Variants in SVIL observed in about 807,000 individuals in gnomAD.
SVIL encodes the protein archvillin.
A neutral mutation model predicts 240.4 loss-of-function variants in SVIL; 101 were observed. The observed-to-expected ratio is 0.42, with a 90% confidence interval of 0.36 to 0.50. The LOEUF is 0.50. SVIL is among the 20% of genes least tolerant of loss of function. The pLI is 0.01. For synonymous variants in SVIL, 999 were observed against 1,100.0 expected (o/e 0.91, Z 1.82); for missense variants, 2,512 against 2,818.7 (o/e 0.89, Z 2.46).
intron 17 of SVIL, among the ~76,000 whole-genome samples, chr10:29,506,027 A>G (rs1268103798): frequency 6.6e-6 from 1 of 152,100 alleles, no homozygotes; most frequent in Non-Finnish European, 1.5e-5. Context: ...TACCTAATAC[A>G]AGGTAATGTT....
chr10:29,499,430 C>A (rs1467514452), intron 17 of SVIL, among the ~76,000 whole-genome samples, 167 bp from the exon 18 acceptor site: 2 of 152,200 alleles, frequency 1.3e-5, no homozygotes, highest in African/African-American at 2.4e-5. Flanking sequence ...GGCTTCCTTA[C>A]GTCCAGGTTG....
At chr10:29,495,998 T>C (rs1948416110) in intron 18 of SVIL, among the ~76,000 whole-genome samples, 1 of 152,248 alleles carries the variant, frequency 6.6e-6, no homozygotes, top group Admixed American at 6.5e-5. Flanking sequence ...TTCTCTGTAC[T>C]CATTTGTAAT....
At chr10:29,642,521 C>T (rs965113408) in intron 3 of SVIL, among the ~76,000 whole-genome samples, 13 of 152,200 alleles carry the variant, frequency 8.5e-5, no homozygotes, top group African/African-American at 3.1e-4. Context: ...CCCTACAAAT[C>T]TCTCCTAGAC....
At chr10:29,709,080 A>G (rs1963105463) in intron 1 of SVIL, among the ~76,000 whole-genome samples, 2 of 152,234 alleles carry the variant, frequency 1.3e-5, no homozygotes, top group African/African-American at 4.8e-5. Context: ...GACCAATCAG[A>G]GTTCTAAAAA....
chr10:29,518,933 C>T (rs1429990234), intron 16 of SVIL, among the ~76,000 whole-genome samples: 1 of 152,162 alleles, frequency 6.6e-6, no homozygotes, highest in African/African-American at 2.4e-5. Context: ...CGCTGGGTAG[C>T]ACTGAGCACT....
chr10:29,657,620 T>G (rs1959045137), intron 3 of SVIL, among the ~76,000 whole-genome samples: 1 of 152,086 alleles, frequency 6.6e-6, no homozygotes, highest in African/African-American at 2.4e-5. Flanking sequence ...TCCTATCTAA[T>G]TCACACTCCC....
At chr10:29,619,663 C>A (rs1457904872) in intron 1 of SVIL, among the ~76,000 whole-genome samples, 3 of 152,172 alleles carry the variant, frequency 2.0e-5, no homozygotes, top group Admixed American at 1.3e-4. Flanking sequence ...TATGGTTTCC[C>A]TGAGAAAGCC....
At chr10:29,659,321 G>T (rs1959091187) in intron 2 of SVIL, among the ~76,000 whole-genome samples, 1 of 152,174 alleles carries the variant, frequency 6.6e-6, no homozygotes, top group African/African-American at 2.4e-5. Context: ...GAAGTCTTTT[G>T]TCTTAGGCTA....
At chr10:29,646,374 G>A (rs77383359) in intron 3 of SVIL, among the ~76,000 whole-genome samples, 2 of 152,206 alleles carry the variant, frequency 1.3e-5, no homozygotes, top group Non-Finnish European at 2.9e-5. Flanking sequence ...AAAATCTTCC[G>A]TGCATTCTGA....
intron 2 of SVIL, among the ~76,000 whole-genome samples, chr10:29,681,809 C>T (rs988223107): frequency 6.6e-6 from 1 of 152,146 alleles, no homozygotes; most frequent in African/African-American, 2.4e-5. Flanking sequence ...ATAAGGCTTG[C>T]TGCTTCTGCG....
intron 3 of SVIL, among the ~76,000 whole-genome samples, chr10:29,650,772 G>T (rs78048201): frequency 2.0e-4 from 30 of 152,142 alleles, no homozygotes; most frequent in African/African-American, 6.5e-4. Flanking sequence ...AACATAGCAA[G>T]ACTTTGTCTC....
intron 17 of SVIL, among the ~76,000 whole-genome samples, chr10:29,507,227 C>T (rs1219909706): frequency 6.6e-6 from 1 of 152,134 alleles, no homozygotes; most frequent in Non-Finnish European, 1.5e-5. Context: ...CCCCAAACTG[C>T]CTCCACCATA....
At chr10:29,530,398 C>T (rs1951271918) in intron 11 of SVIL, among the ~76,000 whole-genome samples, 2 of 152,090 alleles carry the variant, frequency 1.3e-5, no homozygotes, top group Admixed American at 1.3e-4. Flanking sequence ...CTTAGCATGC[C>T]CAGAGGTGCA....
Position 29,686,009 on chromosome 10 carries a change from T to C in SVIL, c.-301+544A>G, listed in dbSNP as rs1961041932. ...CTTATACTGAATTCAAATCTGTTTC[T>C]TTATATCTTCCACCCATTGGCCCTA... On this transcript the variant is annotated intron_variant, in intron 2 of 35. Transcript: ENST00000375400. Among the ~76,000 whole-genome samples the C allele has an allele frequency of 2.6e-5, 4 of 152,350 alleles. No individual in the cohort carries two copies. In the South Asian group the frequency reaches 8.3e-4, roughly 32 times the overall value.
chr10:29,547,983 CA>C (rs770709571), intron 6 of SVIL, among the ~76,000 whole-genome samples: 1 of 152,200 alleles, frequency 6.6e-6, no homozygotes, highest in Non-Finnish European at 1.5e-5. Flanking sequence ...ATTCCTCAAA[CA>C]AAAGACCTTC....
chr10:29,669,076 T>C (rs565774915), intron 2 of SVIL, among the ~76,000 whole-genome samples: 4 of 152,312 alleles, frequency 2.6e-5, no homozygotes, highest in Admixed American at 2.6e-4. Flanking sequence ...AATACATGTA[T>C]TGATCCCTAA....
intron 2 of SVIL, among the ~76,000 whole-genome samples, chr10:29,663,313 T>G (rs1959179277): frequency 6.6e-6 from 1 of 152,226 alleles, no homozygotes; most frequent in Non-Finnish European, 1.5e-5. Flanking sequence ...GTTTCCACTA[T>G]GAAGAACATA....
At chr10:29,717,002 G>A (rs545946420) in intron 1 of SVIL, among the ~76,000 whole-genome samples, 78 of 152,232 alleles carry the variant, frequency 5.1e-4, no homozygotes, top group African/African-American at 1.9e-3. Context: ...AGGCCAAGGC[G>A]GGTGGATCAC....
Position 29,470,497 on chromosome 10 carries a change from C to T in SVIL, c.5636-14G>A, listed in dbSNP as rs987267671. 7 of 1,613,666 alleles carry T rather than the reference C, an allele frequency of 4.3e-6. No individual in the cohort carries two copies. The highest frequency in any genetic ancestry group is 2.2e-5 in the South Asian group (2 of 91,078). ...GCCGCCACTCACCTGCAGGGGGCAC[C>T]GGCGGCGCGGAGGAGTTAGCACGTG... is the stretch of plus-strand genomic sequence containing the variant. On this transcript the variant is annotated splice_polypyrimidine_tract_variant and intron_variant, in intron 31 of 37. Coordinates refer to ENST00000355867, the MANE Select transcript of SVIL (RefSeq NM_021738.3).
Sources: gnomAD v4.1 joint callset for allele counts (sites outside exome capture counted in the v4.1 genomes callset) on GRCh38, gnomAD v4.1.1 for gene constraint, MANE v1.5 for transcripts, NCBI Gene and HGNC (gene_info 2026-07-23, HGNC 2026-07-21) for gene names.